The following THEMIS variants were observed in gnomAD, a reference collection of about 807,000 sequenced individuals.
THEMIS encodes the protein protein THEMIS.
In THEMIS, 37 loss-of-function variants were observed where a neutral mutation model predicts 52.6. That is an observed-to-expected ratio of 0.70 (90% CI 0.54 to 0.93). THEMIS has a LOEUF of 0.93. THEMIS is among the 40% of genes least tolerant of loss of function. The pLI is 0.00. For missense variants in THEMIS, 808 were observed against 763.1 expected (o/e 1.06, Z -0.69); for synonymous variants, 292 against 272.7 (o/e 1.07, Z -0.70).
At chr6:127,720,489 T>C (rs1562213184) in intron 4 of THEMIS, among the ~76,000 whole-genome samples, 2 of 152,082 alleles carry the variant, frequency 1.3e-5, no homozygotes, top group African/African-American at 2.4e-5. Flanking sequence ...AAGACTTCAA[T>C]TGGAAATTAA....
chr6:127,702,194 C>T, the THEMIS span, among the ~76,000 whole-genome samples: 3 of 151,852 alleles, frequency 2.0e-5, no homozygotes, highest in Non-Finnish European at 4.4e-5. Flanking sequence ...GAGCTTTTTC[C>T]CTTGTCACCC....
intron 4 of THEMIS, among the ~76,000 whole-genome samples, chr6:127,753,931 G>GATA (rs1343246310): frequency 1.3e-5 from 2 of 151,830 alleles, no homozygotes; most frequent in Admixed American, 6.6e-5. Flanking sequence ...TGATGATGAT[G>GATA]ATAATAATAA....
intron 5 of THEMIS, among the ~76,000 whole-genome samples, chr6:127,711,254 A>G (rs1773972672): frequency 6.6e-6 from 1 of 152,080 alleles, no homozygotes; most frequent in Non-Finnish European, 1.5e-5. Flanking sequence ...AGAATATGTC[A>G]ATAAATGTAA....
At chr6:127,815,518 T>TA (rs1359749105) in intron 3 of THEMIS, among the ~76,000 whole-genome samples, 2 of 151,690 alleles carry the variant, frequency 1.3e-5, no homozygotes, top group African/African-American at 4.8e-5. Flanking sequence ...TATTTTCTTG[T>TA]AAAAAAAATA....
the THEMIS span, among the ~76,000 whole-genome samples, chr6:127,699,677 A>C: frequency 8.6e-5 from 13 of 151,964 alleles, no homozygotes; most frequent in African/African-American, 3.1e-4. Flanking sequence ...CATTCAATAG[A>C]AAAAAGAAGT....
chr6:127,754,748 C>T (rs1775763371), intron 4 of THEMIS, among the ~76,000 whole-genome samples: 1 of 152,072 alleles, frequency 6.6e-6, no homozygotes, highest in Admixed American at 6.6e-5. Flanking sequence ...AAAAGGAGGA[C>T]AGCAATGCAT....
intron 4 of THEMIS, among the ~76,000 whole-genome samples, chr6:127,788,577 C>A (rs1476225516): frequency 1.3e-5 from 2 of 152,124 alleles, no homozygotes; most frequent in Non-Finnish European, 2.9e-5. Flanking sequence ...AGAAGGTACT[C>A]AATTGTATTT....
chr6:127,881,674 A>T lies in THEMIS; in HGVS notation c.91+19168T>A, dbSNP rs1003650771. Among the ~76,000 whole-genome samples, 102 of 151,940 alleles carry T rather than the reference A, an allele frequency of 6.7e-4. 4 individuals carry two copies. Among genetic ancestry groups the T allele is most frequent in the Non-Finnish European group, 2.7e-4 (18 of 67,808 alleles). On this transcript the variant is annotated intron_variant, in intron 1 of 5. Transcript: ENST00000368248. ...AGTTATTTTCCTCTACAGCTTTTGA[A>T]AATAATACAACTGGCATTGCTTTTA...
intron 4 of THEMIS, among the ~76,000 whole-genome samples, chr6:127,811,840 CTG>C (rs1307596824): frequency 2.6e-5 from 4 of 152,122 alleles, no homozygotes; most frequent in Non-Finnish European, 4.4e-5. Context: ...TCTTTCAAAA[CTG>C]TTTGTCTGGG....
chr6:127,776,866 A>T (rs559120957), intron 4 of THEMIS, among the ~76,000 whole-genome samples: 2 of 152,346 alleles, frequency 1.3e-5, no homozygotes, highest in Admixed American at 1.3e-4. Flanking sequence ...GCATACACAT[A>T]TAAGAAATGT....
chr6:127,788,382 C>T (rs1583279053), intron 4 of THEMIS, among the ~76,000 whole-genome samples: 1 of 152,094 alleles, frequency 6.6e-6, no homozygotes, highest in South Asian at 2.1e-4. Flanking sequence ...TACTCTACAG[C>T]TTTTGGTATT....
At chr6:127,912,829 A>G (rs1349962715) in intron 1 of THEMIS, among the ~76,000 whole-genome samples, 3 of 152,188 alleles carry the variant, frequency 2.0e-5, no homozygotes, top group Non-Finnish European at 4.4e-5. Flanking sequence ...ACCTGTTTGT[A>G]TTTTATAATA....
chr6:127,764,451 T>C (rs911330320), intron 4 of THEMIS, among the ~76,000 whole-genome samples: 1 of 151,982 alleles, frequency 6.6e-6, no homozygotes, highest in African/African-American at 2.4e-5. Flanking sequence ...TCAATAAGAA[T>C]AAAATATAAA....
At chr6:127,789,967 A>T (rs1027736654) in intron 4 of THEMIS, among the ~76,000 whole-genome samples, 1 of 152,244 alleles carries the variant, frequency 6.6e-6, no homozygotes, top group Non-Finnish European at 1.5e-5. Flanking sequence ...AAACCAGCAC[A>T]AGACAAGGAT....
chr6:127,888,038 C>A (rs183029571), intron 1 of THEMIS, among the ~76,000 whole-genome samples: 39 of 152,060 alleles, frequency 2.6e-4, no homozygotes, highest in Admixed American at 2.6e-3. Context: ...CTGGGGTAAA[C>A]CTCGTAGAGA....
chr6:127,898,626 A>C (rs188461266), intron 1 of THEMIS, among the ~76,000 whole-genome samples: 1 of 151,970 alleles, frequency 6.6e-6, no homozygotes, highest in Non-Finnish European at 1.5e-5. Context: ...AACTACTTAC[A>C]ACCTAGTAAT....
At chr6:127,853,389 A>G (rs974336176) in intron 2 of THEMIS, among the ~76,000 whole-genome samples, 1 of 151,776 alleles carries the variant, frequency 6.6e-6, no homozygotes, top group African/African-American at 2.4e-5. Context: ...AGACTTTGCC[A>G]CAGAGCAAAC....
At chr6:127,765,302 C>T (rs576345441) in intron 4 of THEMIS, among the ~76,000 whole-genome samples, 2 of 152,056 alleles carry the variant, frequency 1.3e-5, no homozygotes, top group South Asian at 4.2e-4. Flanking sequence ...AAGTTTGCAT[C>T]GTGTCATGAA....
At chr6:127,821,230 T>A (rs917301538) in intron 3 of THEMIS, among the ~76,000 whole-genome samples, 53 of 151,978 alleles carry the variant, frequency 3.5e-4, no homozygotes, top group African/African-American at 1.2e-3. Context: ...TATTTTACAA[T>A]TGGGAAAATG....
Sources: allele counts gnomAD v4.1 joint callset (sites outside exome capture counted in the v4.1 genomes callset), GRCh38; gene constraint gnomAD v4.1.1; transcripts MANE v1.5; gene names NCBI Gene and HGNC (gene_info 2026-07-23, HGNC 2026-07-21).